KIAA1671: variants seen among roughly 807,000 people sequenced by gnomAD.
KIAA1671 encodes the protein uncharacterized protein KIAA1671.
A neutral mutation model predicts 131.2 loss-of-function variants in KIAA1671; 52 were observed. The observed-to-expected ratio is 0.40, with a 90% CI of 0.32 to 0.50. KIAA1671 has a LOEUF of 0.50. Ranked by LOEUF, KIAA1671 falls within the 20% of genes least tolerant of loss-of-function variation. The pLI, the probability that KIAA1671 is intolerant of heterozygous loss-of-function variation, is 0.73. For synonymous variants in KIAA1671, 1,003 were observed against 961.6 expected, an observed-to-expected ratio of 1.04 and a Z score of -0.80; for missense variants, 2,360 against 2,364.2, an observed-to-expected ratio of 1.00 and a Z score of 0.04.
intron 3 of KIAA1671, among the ~76,000 whole-genome samples, chr22:25,030,850 G>C (rs1383960710): frequency 1.3e-5 from 2 of 152,190 alleles, no homozygotes; most frequent in African/African-American, 4.8e-5. Context: ...GCAAAGGCAG[G>C]ATCTCTGGGC....
chr22:25,177,230 G>A, intron 8 of KIAA1671, 118 bp from the exon 9 acceptor site: 1 of 966,744 alleles, frequency 1.0e-6, no homozygotes, highest in Non-Finnish European at 1.5e-6. Flanking sequence ...CCTGGCCTAG[G>A]TACCACCTAA....
chr22:24,979,170 A>AT lies in KIAA1671; in HGVS notation c.-208+26422dup, dbSNP rs71191010. On this transcript the variant is annotated intron_variant, in intron 1 of 12. Coordinates refer to ENST00000358431, the MANE Select transcript of KIAA1671 (RefSeq NM_001145206.2). ...ATCACCATGCCTGGCTAATTTTTGTATTTTTTTTTTTTTTTTTTTTTTTTA... is the reference window on the plus strand; with the variant it reads ...ATCACCATGCCTGGCTAATTTTTGTATTTTTTTTTTTTTTTTTTTTTTTTTA... Among the ~76,000 whole-genome samples, 354 of 81,704 alleles carry AT rather than the reference A, an allele frequency of 4.3e-3. 4 individuals are homozygous for AT. Among genetic ancestry groups the AT allele is most frequent in the Non-Finnish European group, 5.5e-3 (253 of 45,744 alleles). 53.6% of individuals were successfully genotyped at this position (81,704 alleles called of 152,430 possible).
In KIAA1671 at chr22:24,993,705, C is replaced by T. The variant is rs553739737; in HGVS notation, c.-207-31928C>T. Among the ~76,000 whole-genome samples the T allele has an allele frequency of 3.9e-5, 6 of 152,298 alleles. No individual in the cohort carries two copies. In the South Asian group the frequency reaches 1.2e-3, roughly 32 times the overall value. On this transcript the variant is annotated intron_variant, in intron 1 of 12. Transcript: ENST00000358431. ...AAATTGTGAGTTTATCCACATTGCTCTATCACCAAACATGGAGTATGGCAC... is the reference window on the plus strand; with the variant it reads ...AAATTGTGAGTTTATCCACATTGCTTTATCACCAAACATGGAGTATGGCAC...
chr22:25,093,772 C>CTG (rs1930207955), intron 6 of KIAA1671, among the ~76,000 whole-genome samples: 1 of 103,994 alleles, frequency 9.6e-6, no homozygotes, highest in African/African-American at 3.7e-5. Context: ...CTCTCTGTCT[C>CTG]TCTCTCTCTC....
chr22:25,008,729 A>C (rs949769485), intron 1 of KIAA1671, among the ~76,000 whole-genome samples: 3 of 152,228 alleles, frequency 2.0e-5, no homozygotes, highest in African/African-American at 7.2e-5. Context: ...TAATGATTTG[A>C]GGATGATAAT....
intron 1 of KIAA1671, among the ~76,000 whole-genome samples, chr22:24,955,806 A>G (rs1921661741): frequency 1.3e-5 from 2 of 152,056 alleles, no homozygotes; most frequent in Admixed American, 6.5e-5. Context: ...CAGGACGATC[A>G]CGAGGTCAGG....
intron 9 of KIAA1671, among the ~76,000 whole-genome samples, chr22:25,178,016 A>C (rs978914438): frequency 2.0e-5 from 3 of 152,172 alleles, no homozygotes; most frequent in African/African-American, 7.2e-5. Context: ...GGCCTCCCGC[A>C]GGATGGAAGC....
intron 6 of KIAA1671, among the ~76,000 whole-genome samples, chr22:25,113,789 C>T (rs1931514076): frequency 6.6e-6 from 1 of 152,246 alleles, no homozygotes; most frequent in Non-Finnish European, 1.5e-5. Flanking sequence ...GACAGATTCC[C>T]CAACCTCTGG....
chr22:25,091,645 A>C (rs373408356), intron 6 of KIAA1671, among the ~76,000 whole-genome samples: 168 of 152,350 alleles, frequency 1.1e-3, no homozygotes, highest in African/African-American at 3.6e-3. Context: ...TGAAGATTTC[A>C]GTTGCCATGG....
At chr22:25,055,680 A>G (rs989349551) in intron 6 of KIAA1671, 2 of 150,200 alleles carry the variant, frequency 1.3e-5, no homozygotes, top group Admixed American at 6.6e-5. Context: ...GACCAGTTGT[A>G]TATCTTTTTG....
rs1172360933 is a variant in KIAA1671, at chr22:25,038,912, G to T, written c.1782G>T (p.Pro594=). Residue 594 remains proline (P), a synonymous_variant, in exon 5 of 13, where the codon CCG becomes CCT. Transcript: ENST00000358431. ...GCGGTGGAAGCTCAGTGGAGGCCCC[G>T]TGCCCTTCTGACGTCACTCCAGAGG... ...SCRGGSSVEA[P]CPSDVTPEDD... The T allele has an allele frequency of 2.1e-5, 32 of 1,551,584 alleles. No homozygotes were observed. Among genetic ancestry groups the T allele is most frequent in the African/African-American group, 2.7e-5 (2 of 73,028 alleles).
intron 6 of KIAA1671, among the ~76,000 whole-genome samples, chr22:25,142,389 G>A (rs1932819562): frequency 6.6e-6 from 1 of 152,164 alleles, no homozygotes; most frequent in Non-Finnish European, 1.5e-5. Flanking sequence ...TAAATAAGAT[G>A]CTGGAGGCCA....
chr22:24,956,799 G>A (rs1387647957), intron 1 of KIAA1671, among the ~76,000 whole-genome samples: 2 of 151,440 alleles, frequency 1.3e-5, no homozygotes, highest in South Asian at 2.1e-4. Flanking sequence ...GTGAACTGGC[G>A]AGGCGGAGCT....
intron 6 of KIAA1671, among the ~76,000 whole-genome samples, chr22:25,093,862 C>CTG (rs1568951742): frequency 2.3e-5 from 3 of 131,720 alleles, no homozygotes; most frequent in Admixed American, 7.5e-5. Context: ...CTCTCTCTCT[C>CTG]TCTCTCTCTC....
chr22:25,115,720 G>A (rs1472444141), intron 6 of KIAA1671, among the ~76,000 whole-genome samples: 1 of 152,160 alleles, frequency 6.6e-6, no homozygotes, highest in Non-Finnish European at 1.5e-5. Context: ...AGCATCAGGT[G>A]CATATAACTT....
At position 25,040,647 on chromosome 22, in the gene KIAA1671, C is replaced by A; in HGVS notation, c.3517C>A (p.Leu1173Ile). 1 of 1,552,054 alleles carries A rather than the reference C, an allele frequency of 6.4e-7. No homozygotes were observed. The highest frequency in any genetic ancestry group is 8.7e-7 in the Non-Finnish European group (1 of 1,147,068). ...TPTLRSRPKD[L>I]PVRRKTDVIS... ...GACTCTGAGGAGTCGTCCAAAAGAT[C>A]TTCCTGTGAGAAGGAAGACTGATGT... is the stretch of plus-strand genomic sequence containing the variant. The change falls in exon 5 of 13, where the codon CTT becomes ATT. Residue 1173 changes from leucine to isoleucine, a missense_variant. Physicochemically the swap from Leu to Ile is conservative, Grantham distance 5. This residue lies in a region of KIAA1671 where 1,161 missense variants were observed against 1,204.7 expected (regional missense o/e 0.96). Coordinates refer to ENST00000358431, the MANE Select transcript of KIAA1671 (RefSeq NM_001145206.2).
At chr22:25,101,399 C>T (rs534913355) in intron 6 of KIAA1671, among the ~76,000 whole-genome samples, 27 of 152,318 alleles carry the variant, frequency 1.8e-4, no homozygotes, top group African/African-American at 6.0e-4. Context: ...ATGGAAAACG[C>T]TGCTTTCTAC....
intron 1 of KIAA1671, among the ~76,000 whole-genome samples, chr22:24,970,747 C>A (rs55712569): frequency 0.18 from 25,020 of 139,250 alleles, 2,853 homozygotes; most frequent in East Asian, 0.62. Flanking sequence ...AAAAACAAAA[C>A]AAAACTCATA....
intron 1 of KIAA1671, among the ~76,000 whole-genome samples, chr22:25,021,131 C>G (rs1383875267): frequency 6.6e-6 from 1 of 152,136 alleles, no homozygotes; most frequent in Non-Finnish European, 1.5e-5. Flanking sequence ...GTGATGTGAT[C>G]TTGGCTCACT....
Sources: gnomAD v4.1 joint callset for allele counts (sites outside exome capture counted in the v4.1 genomes callset) on GRCh38, gnomAD v4.1.1 for gene constraint, gnomAD v4.1.1 regional missense constraint, MANE v1.5 for transcripts, NCBI Gene and HGNC (gene_info 2026-07-23, HGNC 2026-07-21) for gene names.